The following ETFB variants were observed in gnomAD, a reference collection of about 807,000 sequenced individuals.
The protein encoded by ETFB is electron transfer flavoprotein subunit beta, also known as beta-ETF.
In ETFB, 20 loss-of-function variants were observed where a neutral mutation model predicts 25.6. The ratio of observed to expected loss-of-function variants is 0.78; its 90% CI spans 0.55 to 1.14. ETFB has a LOEUF of 1.14. Ranked by LOEUF, ETFB falls within the 50% of genes most tolerant of loss-of-function variation. The pLI is 0.00. For synonymous variants in ETFB, 142 were observed against 146.7 expected, an observed-to-expected ratio of 0.97 and a Z score of 0.23; for missense variants, 286 against 342.6, an observed-to-expected ratio of 0.83 and a Z score of 1.30.
intron 1 of ETFB, among the ~76,000 whole-genome samples, chr19:51,363,090 G>GAAAACACAGC (rs1986270875): frequency 6.6e-6 from 1 of 152,088 alleles, no homozygotes; most frequent in Non-Finnish European, 1.5e-5. Flanking sequence ...AAGTATAGGG[G>GAAAACACAGC]AAAACACAGC....
At chr19:51,364,282 T>C (rs1309506431) in intron 1 of ETFB, among the ~76,000 whole-genome samples, 1 of 152,066 alleles carries the variant, frequency 6.6e-6, no homozygotes, top group African/African-American at 2.4e-5. Flanking sequence ...TTTAGGAAGC[T>C]GGCAGGGTCT....
intron 1 of ETFB, among the ~76,000 whole-genome samples, chr19:51,362,455 G>T (rs1986256248): frequency 6.6e-6 from 1 of 152,126 alleles, no homozygotes. Flanking sequence ...GCTCACACGT[G>T]TAATCCCAGC....
chr19:51,353,418 T>C (rs1985980848), intron 2 of ETFB, 128 bp from the exon 3 acceptor site: 1 of 707,336 alleles, frequency 1.4e-6, no homozygotes, highest in African/African-American at 2.0e-5. Flanking sequence ...GACCCAGGAG[T>C]CCAGGCCCCC....
intron 1 of ETFB, 54 bp from the exon 2 acceptor site, chr19:51,354,362 G>GA: frequency 1.2e-6 from 2 of 1,614,154 alleles, no homozygotes; most frequent in South Asian, 2.2e-5. Flanking sequence ...CAAGAAGGTG[G>GA]GGGCCTCAGC....
intron 3 of ETFB, among the ~76,000 whole-genome samples, chr19:51,350,766 C>T (rs912095952): frequency 9.9e-5 from 15 of 152,084 alleles, no homozygotes; most frequent in African/African-American, 3.6e-4. Flanking sequence ...TCACCGCAGC[C>T]AGTCGGGTTG....
chr19:51,361,666 A>G (rs1459716199), intron 1 of ETFB: 2 of 150,296 alleles, frequency 1.3e-5, no homozygotes, highest in East Asian at 3.9e-4. Flanking sequence ...AATCCCAGAT[A>G]ATGAATACAA....
At chr19:51,353,317 G>C (rs1985976175) in intron 2 of ETFB, 27 bp from the exon 3 acceptor site, 1 of 1,613,430 alleles carries the variant, frequency 6.2e-7, no homozygotes, top group African/African-American at 1.3e-5. Context: ...GGCTTGACTT[G>C]GCTGCTATCC....
chr19:51,354,334 G>C (rs775702541), intron 1 of ETFB, 26 bp from the exon 2 acceptor site: 72 of 1,614,008 alleles, frequency 4.5e-5, no homozygotes, highest in Non-Finnish European at 6.0e-5. Flanking sequence ...GGAAGGGGTG[G>C]GGTCAGGAGG....
intron 1 of ETFB, among the ~76,000 whole-genome samples, chr19:51,358,281 C>T (rs1388078113): frequency 6.6e-6 from 1 of 152,162 alleles, no homozygotes; most frequent in Non-Finnish European, 1.5e-5. Flanking sequence ...ACTGTTCCTC[C>T]CACAGGCAGG....
chr19:51,347,790 G>A (rs897121718), intron 4 of ETFB: 5 of 152,180 alleles, frequency 3.3e-5, no homozygotes, highest in African/African-American at 9.7e-5. Flanking sequence ...TTATGAACCT[G>A]CCCCTGGAGA....
intron 1 of ETFB, among the ~76,000 whole-genome samples, chr19:51,362,203 A>G (rs1175759861): frequency 2.0e-5 from 3 of 147,476 alleles, no homozygotes; most frequent in East Asian, 4.0e-4. Flanking sequence ...ACACACACAC[A>G]CGAATACACT....
chr19:51,354,505 C>G, intron 1 of ETFB, 197 bp from the exon 2 acceptor site: 1 of 1,614,214 alleles, frequency 6.2e-7, no homozygotes, highest in South Asian at 1.1e-5. Context: ...CTGTCTCCTT[C>G]TCTCATCCAG....
chr19:51,353,068 C>T (rs1357855661), intron 3 of ETFB, 64 bp downstream of exon 3: 1 of 1,604,262 alleles, frequency 6.2e-7, no homozygotes, highest in Admixed American at 1.7e-5. Context: ...CACCCCGTAT[C>T]TCCACCACCC....
At chr19:51,357,084 T>TC (rs1286360780) in intron 1 of ETFB, 1 of 151,922 alleles carries the variant, frequency 6.6e-6, no homozygotes, top group Non-Finnish European at 1.5e-5. Flanking sequence ...TTCTTTTTTT[T>TC]TTTTTTTTAG....
intron 1 of ETFB, among the ~76,000 whole-genome samples, chr19:51,362,383 G>C (rs1353423082): frequency 6.6e-6 from 1 of 151,978 alleles, no homozygotes; most frequent in Admixed American, 6.6e-5. Flanking sequence ...GTCTAGACCA[G>C]CCTGGCTAAC....
chr19:51,356,505 C>T (rs1314393004), intron 1 of ETFB: 1 of 152,180 alleles, frequency 6.6e-6, no homozygotes, highest in Non-Finnish European at 1.5e-5. Flanking sequence ...CTTTGCTAAA[C>T]AGACAAGGGA....
Position 51,350,343 on chromosome 19 carries a change from G to A in ETFB, c.424C>T (p.Leu142Phe). Residue 142 changes from leucine (L) to phenylalanine (F), a missense_variant, in exon 4 of 6, where the codon CTT becomes TTT. Leu to Phe is a conservative substitution (Grantham distance 22, BLOSUM62 0). Transcript: ENST00000309244. ...TCCAGTCTCACCTGTGGCCAGTCAA[G>A]AAATCCAGCTGTCATCTGCCCTGTC... ...NQTGQMTAGF[L>F]DWPQGTFASQ... is the part of the protein sequence containing the mutation. 6.2e-7 allele frequency: 1 copy of A among 1,610,824 alleles called. No individual in the cohort carries two copies.
intron 1 of ETFB, among the ~76,000 whole-genome samples, chr19:51,358,567 G>C (rs1474568083): frequency 6.6e-6 from 1 of 152,180 alleles, no homozygotes; most frequent in Non-Finnish European, 1.5e-5. Flanking sequence ...GGGAGGCCAA[G>C]GTGGGCGGAT....
At chr19:51,353,094 A>T in intron 3 of ETFB, 38 bp downstream of exon 3, 1 of 1,612,828 alleles carries the variant, frequency 6.2e-7, no homozygotes, top group South Asian at 1.1e-5. Context: ...CCGAGCAGGG[A>T]TGAGCAAGGG....
Sources: gnomAD v4.1 joint callset for allele counts (sites outside exome capture counted in the v4.1 genomes callset) on GRCh38, gnomAD v4.1.1 for gene constraint, MANE v1.5 for transcripts, NCBI Gene and HGNC (gene_info 2026-07-23, HGNC 2026-07-21) for gene names.